INTS1: variants seen among roughly 807,000 people sequenced by gnomAD.
The protein encoded by INTS1 is integrator complex subunit 1.
INTS1 carries 137 observed loss-of-function variants against 241.6 expected under a neutral mutation model. The ratio of observed to expected loss-of-function variants is 0.57; its 90% CI spans 0.49 to 0.65. The LOEUF (loss-of-function observed/expected upper bound fraction) is 0.65. Among genes scored for constraint, INTS1 ranks in the 30% least tolerant of loss-of-function variants. INTS1 has a pLI of 0.00. For missense variants in INTS1, 3,073 were observed against 3,032.2 expected (o/e 1.01, Z -0.32); for synonymous variants, 1,692 against 1,337.8 (o/e 1.26, Z -5.78).
In INTS1 at chr7:1,477,914, C is replaced by A; in HGVS notation, c.4653G>T (p.Val1551=). 1 of 1,612,602 alleles carries A rather than the reference C, an allele frequency of 6.2e-7. No individual in the cohort carries two copies. The highest frequency in any genetic ancestry group is 1.7e-5 in the Admixed American group (1 of 60,020). Residue 1551 remains valine, a synonymous_variant, in exon 34 of 48, where the codon GTG becomes GTT. Transcript: ENST00000404767. Reference sequence around the variant, plus strand: ...GCAGCTCCTCCAGGTGGGGGGACCTCACCTCGATCAGCCCCTGGAGGACTG... The same window carrying A: ...GCAGCTCCTCCAGGTGGGGGGACCTAACCTCGATCAGCCCCTGGAGGACTG... The part of the protein sequence containing the change: ...ISKVLQGLIE[V]RSPHLEELLT...
intron 3 of INTS1, among the ~76,000 whole-genome samples, chr7:1,501,451 AG>A (rs1378210974): frequency 3.3e-5 from 5 of 152,052 alleles, no homozygotes; most frequent in African/African-American, 1.2e-4. Flanking sequence ...GCCAGCATGG[AG>A]GGACAGCCTG....
At chr7:1,471,330 AG>A in intron 45 of INTS1, 106 bp from the exon 46 acceptor site, 2 of 1,211,368 alleles carry the variant, frequency 1.7e-6, no homozygotes, top group East Asian at 2.6e-5. Context: ...CAGGGACCCT[AG>A]GCCCCTATCC....
At position 1,471,154 on chromosome 7, in the gene INTS1, C is replaced by T; in HGVS notation, c.6326G>A (p.Arg2109His). Residue 2109 changes from arginine (R) to histidine (H), a missense_variant, in exon 46 of 48, where the codon CGC becomes CAC. Arg to His is a conservative substitution (Grantham distance 29). Transcript: ENST00000404767. ...TCACCTGGGGCTGTTCTGCATGGAGCGCAGGGCCAGGCTGAAGGCGAGGTT... is the reference window on the plus strand; with the variant it reads ...TCACCTGGGGCTGTTCTGCATGGAGTGCAGGGCCAGGCTGAAGGCGAGGTT... ...CRNLAFSLALRSMQNSPSIAA... is the reference protein window; with the variant it reads ...CRNLAFSLALHSMQNSPSIAA... 2 of 1,576,372 alleles carry T rather than the reference C, an allele frequency of 1.3e-6. No homozygotes were observed. The highest frequency in any genetic ancestry group is 2.3e-5 in the East Asian group (1 of 42,708).
rs1318532836 is a variant in INTS1 at position 1,482,500 on chromosome 7, G to A, written c.3703+46C>T. 9 of 1,553,670 alleles carry A rather than the reference G, an allele frequency of 5.8e-6. No individual in the cohort carries two copies. In the East Asian group the frequency reaches 1.8e-4, roughly 31 times the overall value. ...CACAAGGAGCAGGCAAGGGGCCCGG[G>A]ACCCCTGAGTCAGCAGCCCCTGCCC... On this transcript the variant is annotated intron_variant, in intron 27 of 47. Coordinates refer to ENST00000404767, the MANE Select transcript of INTS1 (RefSeq NM_001080453.3).
At chr7:1,483,384 T>C (rs867691908) in intron 26 of INTS1, 92 of 372,326 alleles carry the variant, frequency 2.5e-4, no homozygotes, top group African/African-American at 1.8e-3. Context: ...GGCAGCCTCA[T>C]GTCGCACCTC....
chr7:1,503,830 G>T, intron 2 of INTS1, 73 bp downstream of exon 2: 1 of 911,426 alleles, frequency 1.1e-6, no homozygotes, highest in Non-Finnish European at 1.6e-6. Flanking sequence ...AGGATCCGCG[G>T]CAGCTGAGAT....
chr7:1,478,392 C>T lies in INTS1; in HGVS notation c.4604G>A (p.Ser1535Asn). The change falls in exon 33 of 48, where the codon AGC (serine) becomes AAC (asparagine). Residue 1535 changes from serine (S) to asparagine (N), a missense_variant. Ser to Asn is a conservative substitution (Grantham distance 46). Transcript: ENST00000404767. ...IATLRSGEQC[S>N]VEPDLISKVL... ...TTTGCTGATCAGGTCCGGCTCCACG[C>T]TGCACTGCTCCCCAGACCTCAGGGT... is the stretch of plus-strand genomic sequence containing the variant. 3 of 1,612,770 alleles carry T rather than the reference C, an allele frequency of 1.9e-6. No individual in the cohort carries two copies. Among genetic ancestry groups the T allele is most frequent in the Non-Finnish European group, 2.5e-6 (3 of 1,179,820 alleles).
In INTS1 at chr7:1,480,840, C is replaced by T. The variant is rs773714369; in HGVS notation, c.3944G>A (p.Arg1315His). The T allele has an allele frequency of 6.5e-5, 101 of 1,551,126 alleles. No individual in the cohort carries two copies. The highest frequency in any genetic ancestry group is 1.4e-4 in the Admixed American group (7 of 51,342). Residue 1315 changes from arginine to histidine, a missense_variant, in exon 29 of 48, where the codon CGC (arginine) becomes CAC (histidine). Coordinates refer to ENST00000404767, the MANE Select transcript of INTS1 (RefSeq NM_001080453.3). ...GCCCCACCCCTCCCCAGTACCTCGG[C>T]GGGGCGGCAGGGAGGCTGTGAGCAA... Reference protein sequence around the residue: ...HSLLTASLPPRRDSTEAPKPK... With the variant: ...HSLLTASLPPHRDSTEAPKPK...
intron 42 of INTS1, among the ~76,000 whole-genome samples, 183 bp from the exon 43 acceptor site, chr7:1,473,367 G>C (rs1781563562): frequency 6.6e-6 from 1 of 152,194 alleles, no homozygotes; most frequent in Admixed American, 6.5e-5. Context: ...GAGCCAGAGA[G>C]CTGCAGGGGT....
Position 1,473,549 on chromosome 7 carries a change from A to G in INTS1, c.5957+17T>C. On this transcript the variant is annotated intron_variant, in intron 42 of 47. Transcript: ENST00000404767. ...CGCCGGAGGCCCGAGGCTTCCCTGCAGCCCGTGGGCACTCACTGGAGCGGG... is the reference window on the plus strand; with the variant it reads ...CGCCGGAGGCCCGAGGCTTCCCTGCGGCCCGTGGGCACTCACTGGAGCGGG... 6.3e-7 allele frequency: 1 copy of G among 1,575,612 alleles called. No individual in the cohort carries two copies. The highest frequency in any genetic ancestry group is 8.6e-7 in the Non-Finnish European group (1 of 1,161,720).
In INTS1 at chr7:1,480,352, C is replaced by T. The variant is rs1462293988; in HGVS notation, c.4039G>A (p.Gly1347Ser). 1 of 1,611,394 alleles carries T rather than the reference C, an allele frequency of 6.2e-7. No homozygotes were observed. Among genetic ancestry groups the T allele is most frequent in the African/African-American group, 1.3e-5 (1 of 74,896 alleles). The change falls in exon 30 of 48, where the codon GGC (glycine) becomes AGC (serine). Residue 1347 changes from glycine to serine, a missense_variant. Physicochemically the swap from Gly to Ser is moderately conservative, Grantham distance 56. Transcript: ENST00000404767. ...IRVGTQLRVL[G>S]PEDDLAGMFL... ...ATGCCAGCCAGGTCGTCCTCAGGGC[C>T]CAGCACCCGGAGCTGGGTCCCCACC...
At chr7:1,495,603 G>A (rs772757931) in intron 12 of INTS1, 50 bp from the exon 13 acceptor site, 10 of 1,575,666 alleles carry the variant, frequency 6.3e-6, no homozygotes, top group South Asian at 1.2e-5. Flanking sequence ...GGGCCATGAG[G>A]GGCTAAGGCA....
intron 25 of INTS1, 24 bp downstream of exon 25, chr7:1,483,979 G>A (rs371082740): frequency 2.5e-5 from 40 of 1,596,832 alleles, no homozygotes; most frequent in South Asian, 6.6e-5. Flanking sequence ...GCCCTCACCC[G>A]GCCGTAGACC....
rs1358694155 is a variant in INTS1, at chr7:1,474,236, G to A, written c.5761C>T (p.His1921Tyr). ...VLGLLELLQP[H>Y]VFRSEHQGAL... ...CCCTGGTGCTCGCTGCGGAACACGT[G>A]CGGCTGCAGCAGCTCCAGCAGGCCC... Residue 1921 changes from histidine (H) to tyrosine (Y), a missense_variant, in exon 41 of 48, where the codon CAC becomes TAC. Transcript: ENST00000404767. The A allele has an allele frequency of 1.2e-6, 2 of 1,602,616 alleles. No homozygotes were observed. Among genetic ancestry groups the A allele is most frequent in the African/African-American group, 1.3e-5 (1 of 74,836 alleles).
chr7:1,501,621 G>A (rs559995475), intron 3 of INTS1, among the ~76,000 whole-genome samples: 123 of 152,270 alleles, frequency 8.1e-4, no homozygotes, highest in African/African-American at 2.8e-3. Context: ...GATAAATAAA[G>A]CACCGAGCCG....
At chr7:1,487,722 G>T in intron 19 of INTS1, 38 bp downstream of exon 19, 1 of 1,599,100 alleles carries the variant, frequency 6.3e-7, no homozygotes, top group South Asian at 1.1e-5. Flanking sequence ...CACAGGTCCC[G>T]ACGGCAGGCG....
intron 3 of INTS1, among the ~76,000 whole-genome samples, chr7:1,501,600 G>A (rs1322632933): frequency 6.6e-6 from 1 of 152,114 alleles, no homozygotes; most frequent in Non-Finnish European, 1.5e-5. Context: ...TCTACAGGAG[G>A]TAGTGCTAAA....
intron 12 of INTS1, 107 bp from the exon 13 acceptor site, chr7:1,495,660 AG>A: frequency 7.1e-7 from 1 of 1,400,048 alleles, no homozygotes; most frequent in Non-Finnish European, 9.7e-7. Context: ...GGGGTAACTC[AG>A]GGCACCCCCA....
At chr7:1,472,219 C>A in intron 44 of INTS1, 54 bp downstream of exon 44, 1 of 1,345,470 alleles carries the variant, frequency 7.4e-7, no homozygotes, top group Non-Finnish European at 1.0e-6. Context: ...CTGCCCGCAG[C>A]CCCATGGGAC....
Sources: allele counts gnomAD v4.1 joint callset (sites outside exome capture counted in the v4.1 genomes callset), GRCh38; gene constraint gnomAD v4.1.1; transcripts MANE v1.5; gene names NCBI Gene and HGNC (gene_info 2026-07-23, HGNC 2026-07-21).